CLEC17A: variants seen among roughly 807,000 people sequenced by gnomAD.
CLEC17A encodes C-type lectin domain containing 17A, also known as C-type lectin domain family 17, member A.
In CLEC17A, 37 loss-of-function variants were observed where a neutral mutation model predicts 61.3. The ratio of observed to expected loss-of-function variants is 0.60; its 90% CI spans 0.46 to 0.79. The LOEUF (loss-of-function observed/expected upper bound fraction) is 0.79. Among genes scored for constraint, CLEC17A ranks in the 30% least tolerant of loss-of-function variants. The pLI, the probability that CLEC17A is intolerant of heterozygous loss-of-function variation, is 0.00. For synonymous variants in CLEC17A, 168 were observed against 164.9 expected, an observed-to-expected ratio of 1.02 and a Z score of -0.14; for missense variants, 418 against 464.7, an observed-to-expected ratio of 0.90 and a Z score of 0.92.
intron 3 of CLEC17A, among the ~76,000 whole-genome samples, chr19:14,589,609 G>A (rs1415707412): frequency 4.2e-5 from 2 of 47,462 alleles, no homozygotes; most frequent in African/African-American, 2.7e-4. Context: ...CACATGTGAA[G>A]CTCAGGGTCT....
intron 3 of CLEC17A, among the ~76,000 whole-genome samples, chr19:14,590,324 G>T (rs2074377780): frequency 6.6e-6 from 1 of 151,782 alleles, no homozygotes; most frequent in South Asian, 2.1e-4. Flanking sequence ...TGTTTTATTA[G>T]GTTTAGAGCA....
chr19:14,591,259 A>T (rs933354616), intron 3 of CLEC17A, among the ~76,000 whole-genome samples: 1 of 137,276 alleles, frequency 7.3e-6, no homozygotes, highest in African/African-American at 2.8e-5. Flanking sequence ...GGTTCACGCC[A>T]TTCTCCTGCC....
chr19:14,609,374 A>G (rs1320439144), intron 13 of CLEC17A, among the ~76,000 whole-genome samples: 1 of 151,644 alleles, frequency 6.6e-6, no homozygotes, highest in African/African-American at 2.4e-5. Flanking sequence ...AGCTTCCCTC[A>G]CCTCTCTCCT....
At chr19:14,591,960 C>G (rs1421577151) in intron 3 of CLEC17A, among the ~76,000 whole-genome samples, 1 of 148,036 alleles carries the variant, frequency 6.8e-6, no homozygotes, top group East Asian at 1.9e-4. Context: ...GGGGCTTCCC[C>G]CCAAGATGGA....
chr19:14,596,681 C>T (rs1349855359), intron 8 of CLEC17A, among the ~76,000 whole-genome samples, 195 bp from the exon 9 acceptor site: 1 of 152,106 alleles, frequency 6.6e-6, no homozygotes, highest in African/African-American at 2.4e-5. Flanking sequence ...ATGCTTAGCG[C>T]ACCGTAAATG....
intron 10 of CLEC17A, among the ~76,000 whole-genome samples, chr19:14,599,250 A>G (rs10416627): frequency 0.45 from 68,603 of 151,122 alleles, 16,381 homozygotes; most frequent in African/African-American, 0.61. Context: ...ACCACGCCCA[A>G]CTAATTTTTG....
intron 4 of CLEC17A, among the ~76,000 whole-genome samples, chr19:14,592,957 C>T (rs1309394835): frequency 3.3e-5 from 5 of 152,048 alleles, no homozygotes; most frequent in Admixed American, 1.3e-4. Flanking sequence ...TGAGCCACCA[C>T]GCCTGGCCGA....
Position 14,600,250 on chromosome 19 carries a change from A to T in CLEC17A, c.894+68A>T, listed in dbSNP as rs76059519. ...CCTGCTTCTCTTCCAGGATGCACACATCCCTCCCTTCCCTGGATGGCAAGA... is the reference window on the plus strand; with the variant it reads ...CCTGCTTCTCTTCCAGGATGCACACTTCCCTCCCTTCCCTGGATGGCAAGA... On this transcript the variant is annotated intron_variant, in intron 12 of 13. Coordinates refer to ENST00000417570, the MANE Select transcript of CLEC17A (RefSeq NM_001204118.2). 1.5e-4 allele frequency: 227 copies of T among 1,557,354 alleles called. 3 individuals are homozygous for T. In the East Asian group the frequency reaches 5.0e-3, roughly 35 times the overall value.
chr19:14,591,506 G>A (rs866175046), intron 3 of CLEC17A, among the ~76,000 whole-genome samples: 16 of 150,688 alleles, frequency 1.1e-4, no homozygotes, highest in African/African-American at 3.2e-4. Flanking sequence ...GTGCAGTGGC[G>A]CTATCTCGGC....
intron 12 of CLEC17A, among the ~76,000 whole-genome samples, chr19:14,603,435 A>G (rs2074772585): frequency 6.6e-6 from 1 of 152,140 alleles, no homozygotes; most frequent in Admixed American, 6.6e-5. Context: ...ATAAGGATCC[A>G]ATGAGACAAT....
At position 14,594,772 on chromosome 19, in the gene CLEC17A, C is replaced by T. The variant is rs779277712; in HGVS notation, c.375C>T (p.Ala125=). Reference sequence around the variant, plus strand: ...CATCTCTTCTAGGCCTGGACCTCGCCGCTGTCACCTGTCCACCTCCTCAAC... The same window carrying T: ...CATCTCTTCTAGGCCTGGACCTCGCTGCTGTCACCTGTCCACCTCCTCAAC... ...KPRNMTGLDL[A]AVTCPPPQLA... Residue 125 remains alanine (A), a synonymous_variant, in exon 7 of 14, where the codon GCC becomes GCT. Coordinates refer to ENST00000417570, the MANE Select transcript of CLEC17A (RefSeq NM_001204118.2). 3.8e-5 allele frequency: 61 copies of T among 1,613,770 alleles called. No homozygotes were observed. The highest frequency in any genetic ancestry group is 4.6e-5 in the Non-Finnish European group (54 of 1,179,866).
chr19:14,595,927 GTTGGT>G (rs2074535121), intron 8 of CLEC17A, among the ~76,000 whole-genome samples: 2 of 108,762 alleles, frequency 1.8e-5, no homozygotes, highest in African/African-American at 3.2e-5. Flanking sequence ...TGGTGATGGT[GTTGGT>G]GATGATAGTA....
rs1182835138 is a variant in CLEC17A at position 14,592,447 on chromosome 19, A to T, written c.277+89A>T. Reference sequence around the variant, plus strand: ...GGCTGGGCATTGTAGACACACAGTCAGTCTCCTCTGTATCCAGCCCATGCC... The same window carrying T: ...GGCTGGGCATTGTAGACACACAGTCTGTCTCCTCTGTATCCAGCCCATGCC... On this transcript the variant is annotated intron_variant, in intron 4 of 13. Transcript: ENST00000417570. 2.6e-5 allele frequency: 41 copies of T among 1,574,938 alleles called. No homozygotes were observed. The East Asian group carries it at 9.5e-4, about 37-fold the overall frequency.
In CLEC17A at chr19:14,606,094, T is replaced by C. The variant is rs1405484562; in HGVS notation, c.895-899T>C. Among the ~76,000 whole-genome samples, 4 of 152,110 alleles carry C rather than the reference T, an allele frequency of 2.6e-5. No individual in the cohort carries two copies. In the East Asian group the frequency reaches 7.7e-4, roughly 29 times the overall value. On this transcript the variant is annotated intron_variant, in intron 12 of 13. Transcript: ENST00000417570. ...TACTTTTCATCTTCCTTCCTTCTTT[T>C]CCTGGAACAATGAATTCTTATGTTG...
intron 12 of CLEC17A, among the ~76,000 whole-genome samples, chr19:14,605,542 A>G (rs923577498): frequency 2.0e-5 from 3 of 152,186 alleles, no homozygotes; most frequent in African/African-American, 7.2e-5. Context: ...AAACTAACCA[A>G]TATTTATAAT....
Position 14,595,255 on chromosome 19 carries a change from C to A in CLEC17A, c.404-19C>A. ...TCTTTGGCATCTTCTGAATAAACCTCTCTCCCCCTTTCTCCCAGCTGTGAA... is the reference window on the plus strand; with the variant it reads ...TCTTTGGCATCTTCTGAATAAACCTATCTCCCCCTTTCTCCCAGCTGTGAA... On this transcript the variant is annotated intron_variant, in intron 7 of 13. Transcript: ENST00000417570. 1 of 1,613,896 alleles carries A rather than the reference C, an allele frequency of 6.2e-7. No homozygotes were observed. The highest frequency in any genetic ancestry group is 2.2e-5 in the East Asian group (1 of 44,880).
chr19:14,593,731 C>T (rs1006973582), intron 4 of CLEC17A, among the ~76,000 whole-genome samples: 6 of 151,738 alleles, frequency 4.0e-5, no homozygotes, highest in East Asian at 3.9e-4. Flanking sequence ...GAGGCTGAGG[C>T]GGGTGGATCA....
chr19:14,596,914 C>T lies in CLEC17A; in HGVS notation c.484C>T (p.Pro162Ser), dbSNP rs201943272. 2.7e-4 allele frequency: 427 copies of T among 1,608,474 alleles called. 2 individuals carry two copies. The highest frequency in any genetic ancestry group is 1.7e-4 in the Middle Eastern group (1 of 6,054). The part of the protein sequence containing the change: ...VPWLNQRSGG[P>S]GCCQKRWMVY... ...CTGGCTCAATCAGAGGTCTGGAGGT[C>T]CTGGCTGCTGCCAGAAGAGGTGGAT... Residue 162 changes from proline (P) to serine (S), a missense_variant, in exon 9 of 14, where the codon CCT becomes TCT. Coordinates refer to ENST00000417570, the MANE Select transcript of CLEC17A (RefSeq NM_001204118.2).
intron 13 of CLEC17A, among the ~76,000 whole-genome samples, chr19:14,609,068 G>A (rs1305261716): frequency 6.6e-6 from 1 of 152,084 alleles, no homozygotes; most frequent in Non-Finnish European, 1.5e-5. Flanking sequence ...CCAAAGTGCT[G>A]GGATTACAGG....
Sources: gnomAD v4.1 joint callset for allele counts (sites outside exome capture counted in the v4.1 genomes callset) on GRCh38, gnomAD v4.1.1 for gene constraint, MANE v1.5 for transcripts, NCBI Gene and HGNC (gene_info 2026-07-23, HGNC 2026-07-21) for gene names.